The following ZBTB32 variants were observed in gnomAD, a reference collection of about 807,000 sequenced individuals.
ZBTB32 encodes zinc finger and BTB domain-containing protein 32.
In ZBTB32, 28 loss-of-function variants were observed where a neutral mutation model predicts 45.3. The observed-to-expected ratio is 0.62, with a 90% CI of 0.46 to 0.85. ZBTB32 has a LOEUF of 0.85. Ranked by LOEUF, ZBTB32 falls within the 40% of genes least tolerant of loss-of-function variation. The pLI is 0.00. For missense variants in ZBTB32, 587 were observed against 624.4 expected (o/e 0.94, Z 0.64); for synonymous variants, 283 against 255.7 (o/e 1.11, Z -1.02).
chr19:35,716,077 T>C, intron 5 of ZBTB32, 56 bp from the exon 6 acceptor site: 1 of 1,611,790 alleles, frequency 6.2e-7, no homozygotes, highest in Admixed American at 1.7e-5. Flanking sequence ...AATGGTACAG[T>C]GAGTTGGCGC....
intron 1 of ZBTB32, among the ~76,000 whole-genome samples, chr19:35,707,090 G>A (rs1968563236): frequency 1.3e-5 from 2 of 151,588 alleles, no homozygotes; most frequent in Non-Finnish European, 2.9e-5. Context: ...AGCTACTCAG[G>A]AGGCTGAGAT....
chr19:35,707,647 C>A (rs558811993), intron 1 of ZBTB32, among the ~76,000 whole-genome samples: 1 of 152,028 alleles, frequency 6.6e-6, no homozygotes, highest in African/African-American at 2.4e-5. Context: ...GGATTACAGG[C>A]GTGAGCCACC....
At chr19:35,713,218 C>G (rs905602268) in intron 2 of ZBTB32, 185 bp downstream of exon 2, 1 of 152,168 alleles carries the variant, frequency 6.6e-6, no homozygotes, top group East Asian at 1.9e-4. Context: ...AGTGAGGAGA[C>G]AGGAGGCTAG....
At chr19:35,715,685 T>TAC (rs1968854536) in intron 3 of ZBTB32, 72 bp from the exon 4 acceptor site, 1 of 1,518,284 alleles carries the variant, frequency 6.6e-7, no homozygotes, top group African/African-American at 1.4e-5. Flanking sequence ...GGACTTGGGA[T>TAC]ACCCCCTCTT....
Position 35,715,525 on chromosome 19 carries a change from G to C in ZBTB32, c.881+18G>C. ...GAACAGAGGTGAGTGGCGGGGTCTA[G>C]TGCTCTGCCTCCAGGCTGGGAGGGC... On this transcript the variant is annotated intron_variant, in intron 3 of 6. Transcript: ENST00000392197. 6.6e-7 allele frequency: 1 copy of C among 1,520,772 alleles called. No individual in the cohort carries two copies. Among genetic ancestry groups the C allele is most frequent in the Non-Finnish European group, 8.8e-7 (1 of 1,139,124 alleles). The allele number at this position is 1,520,772 out of a possible 1,614,324, so 94.2% of individuals were successfully genotyped here.
At position 35,709,811 on chromosome 19, in the gene ZBTB32, G is replaced by A. The variant is rs557204242; in HGVS notation, c.-221-3106G>A. On this transcript the variant is annotated intron_variant, in intron 1 of 6. Coordinates refer to ENST00000392197, the MANE Select transcript of ZBTB32 (RefSeq NM_014383.3). ...GGAGAATCACTTGAACCCAGGAGGC[G>A]GAGGTTACAGTGAGCCGAGATTGCG... 4.1e-4 allele frequency among the ~76,000 whole-genome samples: 62 copies of A among 151,916 alleles called. No individual in the cohort carries two copies. The Middle Eastern group carries it at 0.014, about 33-fold the overall frequency.
At chr19:35,714,409 G>A in intron 2 of ZBTB32, 114 bp from the exon 3 acceptor site, 1 of 450,336 alleles carries the variant, frequency 2.2e-6, no homozygotes, top group Non-Finnish European at 3.8e-6. Flanking sequence ...ATGCCTACCT[G>A]CTATGATTCT....
chr19:35,709,332 C>T (rs1163583063), intron 1 of ZBTB32, among the ~76,000 whole-genome samples: 1 of 152,096 alleles, frequency 6.6e-6, no homozygotes, highest in Non-Finnish European at 1.5e-5. Context: ...AGAGGGAGAA[C>T]TTTTTCACAA....
In ZBTB32 at chr19:35,715,385, T is replaced by G. The variant is rs765568883; in HGVS notation, c.759T>G (p.Pro253=). ...VTPRPSWAEA[P]WLVGGQPALW... Reference sequence around the variant, plus strand: ...CTAGGCCCTCGTGGGCTGAGGCCCCTTGGTTGGTGGGGGGCCAGCCTGCCC... The same window carrying G: ...CTAGGCCCTCGTGGGCTGAGGCCCCGTGGTTGGTGGGGGGCCAGCCTGCCC... Residue 253 remains proline (P), a synonymous_variant, in exon 3 of 7, where the codon CCT becomes CCG. Transcript: ENST00000392197. The G allele has an allele frequency of 6.2e-7, 1 of 1,611,932 alleles. No homozygotes were observed. The highest frequency in any genetic ancestry group is 1.7e-5 in the Admixed American group (1 of 59,598).
At chr19:35,710,549 C>T (rs567500569) in intron 1 of ZBTB32, among the ~76,000 whole-genome samples, 163 of 151,886 alleles carry the variant, frequency 1.1e-3, no homozygotes, top group Middle Eastern at 3.4e-3. Context: ...GTTAGGAGTT[C>T]GAGACCAGCC....
At chr19:35,709,592 G>C (rs889188347) in intron 1 of ZBTB32, among the ~76,000 whole-genome samples, 4 of 152,126 alleles carry the variant, frequency 2.6e-5, no homozygotes, top group Non-Finnish European at 5.9e-5. Flanking sequence ...AGAACTATCA[G>C]ATTTCAGGCC....
chr19:35,713,785 C>T (rs772354810), intron 2 of ZBTB32, among the ~76,000 whole-genome samples: 1 of 152,220 alleles, frequency 6.6e-6, no homozygotes, highest in Non-Finnish European at 1.5e-5. Context: ...CATCTCCTTA[C>T]CCAAATCTTG....
At chr19:35,715,854 ACAC>A in intron 4 of ZBTB32, 24 bp downstream of exon 4, 1 of 1,611,912 alleles carries the variant, frequency 6.2e-7, no homozygotes, top group Non-Finnish European at 8.5e-7. Context: ...TGTCCTGCAT[ACAC>A]CTGTAACATG....
intron 1 of ZBTB32, among the ~76,000 whole-genome samples, chr19:35,708,835 T>C (rs1968613944): frequency 1.3e-5 from 2 of 151,698 alleles, no homozygotes; most frequent in South Asian, 4.1e-4. Flanking sequence ...TTTTTTTTTT[T>C]GAGACAGAGT....
chr19:35,706,582 G>A (rs900295611), intron 1 of ZBTB32, among the ~76,000 whole-genome samples: 6 of 151,834 alleles, frequency 4.0e-5, no homozygotes, highest in Admixed American at 2.6e-4. Context: ...AATTAGCCGG[G>A]CATGGTAGAT....
intron 1 of ZBTB32, among the ~76,000 whole-genome samples, chr19:35,705,910 C>CAA (rs755959258): frequency 8.7e-5 from 9 of 103,286 alleles, no homozygotes; most frequent in East Asian, 5.4e-4. Context: ...TGCTCTGTCT[C>CAA]AAAAAAAAAA....
intron 1 of ZBTB32, among the ~76,000 whole-genome samples, chr19:35,711,048 C>G (rs188395506): frequency 6.6e-6 from 1 of 152,238 alleles, no homozygotes; most frequent in African/African-American, 2.4e-5. Context: ...TTAGGTTCCC[C>G]GAAAGCCCAC....
rs757965603 is a variant in ZBTB32, at chr19:35,715,826, C to A, written c.951C>A (p.Thr317=). 6.2e-7 allele frequency: 1 copy of A among 1,613,772 alleles called. No individual in the cohort carries two copies. Among genetic ancestry groups the A allele is most frequent in the Non-Finnish European group, 8.5e-7 (1 of 1,179,854 alleles). ...SQNQLASSSP[T]PGSLPQGPAQ... The stretch of plus-strand genomic sequence containing the variant: ...ACCAGTTGGCCTCCTCCAGCCCTAC[C>A]CCAGGTAAGCCCCTCGCTGTCCTGC... Residue 317 remains threonine, a synonymous_variant, in exon 4 of 7, where the codon ACC becomes ACA. Transcript: ENST00000392197.
intron 1 of ZBTB32, among the ~76,000 whole-genome samples, chr19:35,705,067 A>C (rs1968505025): frequency 6.6e-6 from 1 of 152,084 alleles, no homozygotes; most frequent in African/African-American, 2.4e-5. Flanking sequence ...GCACTTTGGG[A>C]GGCTGAGGCA....
Sources: allele counts gnomAD v4.1 joint callset (sites outside exome capture counted in the v4.1 genomes callset), GRCh38; gene constraint gnomAD v4.1.1; transcripts MANE v1.5; gene names NCBI Gene and HGNC (gene_info 2026-07-23, HGNC 2026-07-21).